The following THSD4 variants were observed in gnomAD, a reference collection of about 807,000 sequenced individuals.
The protein encoded by THSD4 is thrombospondin type-1 domain-containing protein 4.
In THSD4, 69 loss-of-function variants were observed where a neutral mutation model predicts 119.0. The observed-to-expected ratio is 0.58, with a 90% confidence interval of 0.48 to 0.71. THSD4 has a LOEUF of 0.71. THSD4 is among the 30% of genes least tolerant of loss of function. The probability of loss-of-function intolerance (pLI) is 0.00; values close to 1 mark genes in which losing one functional copy is unlikely to be tolerated. For missense variants in THSD4, 1,393 were observed against 1,391.1 expected, an observed-to-expected ratio of 1.00 and a Z score of -0.02; for synonymous variants, 524 against 540.4, an observed-to-expected ratio of 0.97 and a Z score of 0.42.
chr15:71,582,279 G>A (rs550246143), intron 7 of THSD4, among the ~76,000 whole-genome samples: 4 of 151,964 alleles, frequency 2.6e-5, no homozygotes, highest in South Asian at 4.2e-4. Context: ...TTTCTTTTTG[G>A]ATAGTTCATT....
rs970495918 is a variant in THSD4, at chr15:71,649,704, A to G, written c.1153-10826A>G. 1.4e-4 allele frequency among the ~76,000 whole-genome samples: 21 copies of G among 152,168 alleles called. 1 individual carries two copies. The highest frequency in any genetic ancestry group is 2.6e-4 in the Admixed American group (4 of 15,260). The stretch of plus-strand genomic sequence containing the variant: ...GTTCCTATGTCCAGAATGGTGTTAC[A>G]TAGGTTGTCTTCCAGGGTTTTGGCA... On this transcript the variant is annotated intron_variant, in intron 7 of 17. Coordinates refer to ENST00000261862, the MANE Select transcript of THSD4 (RefSeq NM_024817.3).
chr15:71,447,707 C>A (rs1335616482), intron 7 of THSD4, among the ~76,000 whole-genome samples: 4 of 152,190 alleles, frequency 2.6e-5, no homozygotes, highest in Admixed American at 2.0e-4. Context: ...TGACATTCTC[C>A]TTGCCACAGA....
chr15:71,214,100 A>ATG (rs1567159328), intron 3 of THSD4, among the ~76,000 whole-genome samples: 30 of 147,334 alleles, frequency 2.0e-4, no homozygotes, highest in African/African-American at 7.1e-4. Flanking sequence ...CTGTAAAAAC[A>ATG]CACCAATCAG....
intron 3 of THSD4, chr15:71,183,195 G>A (rs1197726848): frequency 6.6e-6 from 1 of 151,810 alleles, no homozygotes; most frequent in African/African-American, 2.4e-5. Flanking sequence ...GCAAGAGAGT[G>A]CTTGTGGAGG....
Position 71,098,120 on chromosome 15 carries a change from G to A in THSD4, c.-80+1114G>A, listed in dbSNP as rs116320204. On this transcript the variant is annotated intron_variant, in intron 1 of 17. Transcript: ENST00000355327. ...GCAGTGCTGCTTTTATAGTAAATAT[G>A]TTGACTATGTGAGCTGCGGAACAGT... 6.4e-3 allele frequency among the ~76,000 whole-genome samples: 960 copies of A among 149,336 alleles called. 14 individuals are homozygous for A. The highest frequency in any genetic ancestry group is 0.021 in the African/African-American group (867 of 40,364).
chr15:71,319,609 T>G (rs2045240739), intron 6 of THSD4, among the ~76,000 whole-genome samples: 1 of 152,130 alleles, frequency 6.6e-6, no homozygotes, highest in African/African-American at 2.4e-5. Context: ...TAGTATTCCA[T>G]GGTGTATATG....
chr15:71,154,793 G>C, intron 2 of THSD4, 70 bp from the exon 3 acceptor site: 1 of 1,500,542 alleles, frequency 6.7e-7, no homozygotes, highest in South Asian at 1.1e-5. Flanking sequence ...AGATGGCGAT[G>C]CTGCCTTCCC....
chr15:71,748,729 G>A, intron 14 of THSD4, 135 bp downstream of exon 14: 1 of 1,050,718 alleles, frequency 9.5e-7, no homozygotes, highest in Non-Finnish European at 1.3e-6. Flanking sequence ...GCCCAGAGAG[G>A]AATTATCGTA....
chr15:71,687,859 A>AATT (rs763496345), intron 8 of THSD4, among the ~76,000 whole-genome samples: 7 of 152,138 alleles, frequency 4.6e-5, no homozygotes, highest in Non-Finnish European at 1.0e-4. Context: ...TACTAATGCA[A>AATT]AGTATGCCAA....
chr15:71,179,990 G>T (rs1186365931), intron 3 of THSD4, among the ~76,000 whole-genome samples: 2 of 97,454 alleles, frequency 2.1e-5, no homozygotes, highest in Admixed American at 1.1e-4. Context: ...TGGGGACTGT[G>T]GTGGGGTCGG....
chr15:71,691,792 G>C (rs1032185326), intron 8 of THSD4, among the ~76,000 whole-genome samples: 4 of 152,142 alleles, frequency 2.6e-5, no homozygotes, highest in Non-Finnish European at 4.4e-5. Context: ...GCCTTGCCCT[G>C]GGGATCCCTA....
At chr15:71,484,081 A>G (rs955204741) in intron 7 of THSD4, among the ~76,000 whole-genome samples, 1 of 152,144 alleles carries the variant, frequency 6.6e-6, no homozygotes, top group African/African-American at 2.4e-5. Context: ...TTCACATTGG[A>G]CCCATTAACT....
At chr15:71,122,964 G>T (rs2040420432) in intron 1 of THSD4, among the ~76,000 whole-genome samples, 2 of 152,206 alleles carry the variant, frequency 1.3e-5, no homozygotes, top group African/African-American at 2.4e-5. Context: ...AATTGCACTT[G>T]GGAGGCCCAG....
intron 3 of THSD4, among the ~76,000 whole-genome samples, chr15:71,157,899 G>A (rs967445722): frequency 6.6e-6 from 1 of 151,646 alleles, no homozygotes; most frequent in Admixed American, 6.6e-5. Context: ...TGGACAGTTG[G>A]GCTGAATACA....
intron 7 of THSD4, among the ~76,000 whole-genome samples, chr15:71,573,576 G>C (rs1450573016): frequency 8.5e-5 from 13 of 152,166 alleles, no homozygotes; most frequent in Admixed American, 8.5e-4. Flanking sequence ...AATGCCACCT[G>C]TGAAATAAGT....
At chr15:71,343,397 G>C (rs2045608467) in intron 6 of THSD4, among the ~76,000 whole-genome samples, 2 of 152,200 alleles carry the variant, frequency 1.3e-5, no homozygotes, top group South Asian at 4.1e-4. Context: ...TGACTGTAAA[G>C]TTAGTGGTTT....
intron 7 of THSD4, among the ~76,000 whole-genome samples, chr15:71,501,494 T>C (rs972108148): frequency 1.3e-5 from 2 of 152,242 alleles, no homozygotes; most frequent in Non-Finnish European, 2.9e-5. Context: ...TCCTCTATGC[T>C]GGTATTTTCC....
intron 6 of THSD4, among the ~76,000 whole-genome samples, chr15:71,405,737 G>A (rs565353603): frequency 4.5e-4 from 69 of 152,278 alleles, no homozygotes; most frequent in Non-Finnish European, 9.1e-4. Flanking sequence ...ATATGGGGGA[G>A]TTTGCCATCT....
chr15:71,199,749 G>GGTGTGTGA (rs2043770716), intron 3 of THSD4, among the ~76,000 whole-genome samples: 1 of 146,848 alleles, frequency 6.8e-6, no homozygotes, highest in Non-Finnish European at 1.5e-5. Flanking sequence ...GTGTGTGTGG[G>GGTGTGTGA]TGTGTGTGAT....
Sources: allele counts gnomAD v4.1 joint callset (sites outside exome capture counted in the v4.1 genomes callset), GRCh38; gene constraint gnomAD v4.1.1; transcripts MANE v1.5; gene names NCBI Gene and HGNC (gene_info 2026-07-23, HGNC 2026-07-21).